Variants in SLC5A12 observed in about 807,000 individuals in gnomAD.
SLC5A12 encodes sodium-coupled monocarboxylate transporter 2.
Under a neutral mutation model 72.7 loss-of-function variants are expected in SLC5A12, and 46 were observed. The ratio of observed to expected loss-of-function variants is 0.63; its 90% CI spans 0.50 to 0.81. The LOEUF (loss-of-function observed/expected upper bound fraction) is 0.81, where lower values mean the gene tolerates loss of function less well. Among genes scored for constraint, SLC5A12 ranks in the 30% least tolerant of loss-of-function variants. SLC5A12 has a pLI of 0.00. For missense variants in SLC5A12, 683 were observed against 740.7 expected, an observed-to-expected ratio of 0.92 and a Z score of 0.90; for synonymous variants, 275 against 264.4, an observed-to-expected ratio of 1.04 and a Z score of -0.39.
chr11:26,674,893 G>A (rs1854231067), intron 13 of SLC5A12, among the ~76,000 whole-genome samples: 2 of 152,140 alleles, frequency 1.3e-5, no homozygotes, highest in African/African-American at 4.8e-5. Context: ...CTATAAATAG[G>A]TAAGTATTGT....
chr11:26,714,712 C>T (rs796650678), intron 1 of SLC5A12, among the ~76,000 whole-genome samples: 13 of 152,126 alleles, frequency 8.5e-5, no homozygotes, highest in African/African-American at 3.1e-4. Flanking sequence ...TCAATTTATC[C>T]TTTCCCTAGA....
intron 6 of SLC5A12, among the ~76,000 whole-genome samples, chr11:26,700,522 T>C (rs1437903845): frequency 1.3e-5 from 2 of 151,646 alleles, no homozygotes; most frequent in Admixed American, 1.3e-4. Flanking sequence ...AATAAATAAA[T>C]AAATAAATAA....
chr11:26,721,228 A>C (rs752976311), intron 1 of SLC5A12, 148 bp downstream of exon 1: 137 of 650,926 alleles, frequency 2.1e-4, no homozygotes, highest in Non-Finnish European at 3.2e-4. Flanking sequence ...GTCTGTCTCC[A>C]AAGCTTAGGC....
chr11:26,708,152 A>C (rs1438848944), intron 4 of SLC5A12, among the ~76,000 whole-genome samples: 9 of 152,030 alleles, frequency 5.9e-5, no homozygotes, highest in Non-Finnish European at 1.3e-4. Flanking sequence ...TTATTTTGTT[A>C]CTTTGTTTTT....
intron 10 of SLC5A12, among the ~76,000 whole-genome samples, chr11:26,685,560 A>G (rs1474772761): frequency 6.6e-6 from 1 of 151,996 alleles, no homozygotes; most frequent in East Asian, 1.9e-4. Flanking sequence ...GTGAACCAAA[A>G]TCACACTACT....
intron 8 of SLC5A12, among the ~76,000 whole-genome samples, chr11:26,694,093 AC>A (rs1401734272): frequency 2.0e-5 from 3 of 152,124 alleles, no homozygotes; most frequent in Non-Finnish European, 4.4e-5. Context: ...TAAGGTTTGT[AC>A]AACCTCTGCA....
At chr11:26,723,300 T>C (rs1006724846), upstream of SLC5A12, 3 of 151,114 alleles carry the variant, frequency 2.0e-5, no homozygotes, top group East Asian at 5.8e-4. Context: ...AGTATGCTTT[T>C]AGTTACCAAT....
rs150060463 is a variant in SLC5A12 at position 26,715,010 on chromosome 11, T to C, written c.340-2304A>G. ...AGTGAGGAGTCAGCAGTCACAAATA[T>C]CATAAGGTAGAAAACACTGAAATGT... On this transcript the variant is annotated intron_variant, in intron 1 of 14. Transcript: ENST00000396005. Among the ~76,000 whole-genome samples the C allele has an allele frequency of 9.8e-3, 998 of 101,486 alleles. 20 individuals carry two copies. Among genetic ancestry groups the C allele is most frequent in the African/African-American group, 0.026 (949 of 36,520 alleles). 66.6% of individuals were successfully genotyped at this position (101,486 alleles called of 152,430 possible). A position where few individuals can be genotyped will look rare whatever the true frequency, so the allele number is the denominator to read the frequency against.
At chr11:26,692,661 G>A (rs747161342) in intron 8 of SLC5A12, 60 bp from the exon 9 acceptor site, 5 of 1,208,238 alleles carry the variant, frequency 4.1e-6, no homozygotes, top group Non-Finnish European at 6.1e-6. Flanking sequence ...CTACCAGCCT[G>A]CCCTCTTGTC....
intron 12 of SLC5A12, 57 bp from the exon 13 acceptor site, chr11:26,678,872 T>C (rs557523077): frequency 1.7e-6 from 2 of 1,172,180 alleles, no homozygotes; most frequent in South Asian, 2.8e-5. Flanking sequence ...CACAGTGATG[T>C]AGAGGACTGC....
chr11:26,672,064 A>T (rs977017148), intron 14 of SLC5A12, among the ~76,000 whole-genome samples: 1 of 152,098 alleles, frequency 6.6e-6, no homozygotes, highest in Non-Finnish European at 1.5e-5. Flanking sequence ...TTCTCACAAC[A>T]CAGTTTTGCC....
At chr11:26,719,477 G>A (rs1437750671) in intron 1 of SLC5A12, among the ~76,000 whole-genome samples, 1 of 152,048 alleles carries the variant, frequency 6.6e-6, no homozygotes, top group Non-Finnish European at 1.5e-5. Context: ...CCCTCTGTGT[G>A]GCACTAGCTC....
At chr11:26,690,194 A>G (rs1854633116) in intron 9 of SLC5A12, among the ~76,000 whole-genome samples, 1 of 152,176 alleles carries the variant, frequency 6.6e-6, no homozygotes, top group African/African-American at 2.4e-5. Flanking sequence ...GATAGGTTCC[A>G]TGCAGTAAAC....
Position 26,721,478 on chromosome 11 carries a change from T to C in SLC5A12, c.237A>G (p.Ala79=), listed in dbSNP as rs1855478310. 3 of 1,613,974 alleles carry C rather than the reference T, an allele frequency of 1.9e-6. No individual in the cohort carries two copies. Among genetic ancestry groups the C allele is most frequent in the Non-Finnish European group, 2.5e-6 (3 of 1,180,034 alleles). ...GTPSEVYRFG[A]SFLVFFIAYL... is the part of the protein sequence containing the mutation. ...AAGCAATGAAGAAGACTAGGAAGGA[T>C]GCCCCAAAGCGGTAGACTTCAGAAG... is the stretch of plus-strand genomic sequence containing the variant. Residue 79 remains alanine (A), a synonymous_variant, in exon 1 of 15, where the codon GCA becomes GCG. Transcript: ENST00000396005.
chr11:26,699,051 CA>C (rs1854896159), intron 6 of SLC5A12, among the ~76,000 whole-genome samples: 2 of 152,102 alleles, frequency 1.3e-5, no homozygotes, highest in Admixed American at 1.3e-4. Context: ...ACAGAAAGTA[CA>C]AAAAACTTAG....
chr11:26,692,705 A>G, intron 8 of SLC5A12, 104 bp from the exon 9 acceptor site: 1 of 684,158 alleles, frequency 1.5e-6, no homozygotes. Context: ...CTCTAGAAAA[A>G]ACAGATGCAG....
chr11:26,697,376 C>T (rs997974771), intron 7 of SLC5A12, 124 bp from the exon 8 acceptor site: 6 of 771,936 alleles, frequency 7.8e-6, no homozygotes, highest in Non-Finnish European at 1.2e-5. Context: ...GGGAACATAG[C>T]TGTTTAGCAA....
At chr11:26,719,923 T>C (rs1855439433) in intron 1 of SLC5A12, among the ~76,000 whole-genome samples, 2 of 152,302 alleles carry the variant, frequency 1.3e-5, no homozygotes, top group Admixed American at 1.3e-4. Flanking sequence ...TAGCTTTATG[T>C]CACTTAGCAA....
At position 26,709,510 on chromosome 11, in the gene SLC5A12, T is replaced by G. The variant is rs545043975; in HGVS notation, c.458-131A>C. On this transcript the variant is annotated intron_variant, in intron 3 of 14. Coordinates refer to ENST00000396005, the MANE Select transcript of SLC5A12 (RefSeq NM_178498.4). Reference sequence around the variant, plus strand: ...CAAAAATAAAATCAAATTAGAGTTTTCCCTCATTAAATTTTCTCACCTTCG... The same window carrying G: ...CAAAAATAAAATCAAATTAGAGTTTGCCCTCATTAAATTTTCTCACCTTCG... The G allele has an allele frequency of 4.8e-5, 31 of 651,650 alleles. No individual in the cohort carries two copies. The South Asian group carries it at 6.8e-4, about 14-fold the overall frequency. 40.4% of individuals were successfully genotyped at this position (651,650 alleles called of 1,614,324 possible). A position where few individuals can be genotyped will look rare whatever the true frequency, so the allele number is the denominator to read the frequency against.
Sources: gnomAD v4.1 joint callset for allele counts (sites outside exome capture counted in the v4.1 genomes callset) on GRCh38, gnomAD v4.1.1 for gene constraint, MANE v1.5 for transcripts, NCBI Gene and HGNC (gene_info 2026-07-23, HGNC 2026-07-21) for gene names.